The following LRP1B variants were observed in gnomAD, a reference collection of about 807,000 sequenced individuals.
The protein encoded by LRP1B is low-density lipoprotein receptor-related protein 1B.
A neutral mutation model predicts 556.6 loss-of-function variants in LRP1B; 217 were observed. The observed-to-expected ratio is 0.39, with a 90% confidence interval of 0.35 to 0.44. The LOEUF (loss-of-function observed/expected upper bound fraction) is 0.44, where lower values mean the gene tolerates loss of function less well. Ranked by LOEUF, LRP1B falls within the 20% of genes least tolerant of loss-of-function variation. The pLI, the probability that LRP1B is intolerant of heterozygous loss-of-function variation, is 1.00. For synonymous variants in LRP1B, 2,047 were observed against 1,865.8 expected (o/e 1.10, Z -2.50); for missense variants, 5,053 against 5,620.8 (o/e 0.90, Z 3.23).
chr2:141,280,362 T>C (rs899529763), intron 3 of LRP1B, among the ~76,000 whole-genome samples: 1 of 152,066 alleles, frequency 6.6e-6, no homozygotes, highest in Non-Finnish European at 1.5e-5. Flanking sequence ...TAAATGTGTC[T>C]TTTGATGTCC....
chr2:141,763,712 A>G (rs907555340), intron 2 of LRP1B, among the ~76,000 whole-genome samples: 1 of 152,208 alleles, frequency 6.6e-6, no homozygotes, highest in South Asian at 2.1e-4. Flanking sequence ...TTAAAGAAAT[A>G]GTCAGATGCA....
At chr2:140,364,579 C>T (rs2105150815) in intron 72 of LRP1B, 82 bp downstream of exon 72, 1 of 1,509,412 alleles carries the variant, frequency 6.6e-7, no homozygotes, top group Non-Finnish European at 9.0e-7. Context: ...ATTGGTAGTT[C>T]ACCTCCCCAC....
intron 37 of LRP1B, among the ~76,000 whole-genome samples, chr2:140,707,694 G>A (rs941910922): frequency 2.0e-5 from 3 of 151,966 alleles, no homozygotes; most frequent in Admixed American, 1.3e-4. Context: ...GAAATGTAGA[G>A]CGTTCTCTTT....
intron 3 of LRP1B, among the ~76,000 whole-genome samples, chr2:141,397,793 A>G (rs1403717259): frequency 6.6e-6 from 1 of 150,654 alleles, no homozygotes; most frequent in East Asian, 1.9e-4. Context: ...GTATATATAC[A>G]TTTTTATATA....
At chr2:141,033,306 C>A (rs1047608243) in intron 11 of LRP1B, among the ~76,000 whole-genome samples, 4 of 151,946 alleles carry the variant, frequency 2.6e-5, no homozygotes, top group Non-Finnish European at 5.9e-5. Flanking sequence ...CATTCTCAGC[C>A]TTCCAGGACG....
At chr2:141,127,535 T>C (rs559606060) in intron 7 of LRP1B, among the ~76,000 whole-genome samples, 2 of 152,264 alleles carry the variant, frequency 1.3e-5, no homozygotes, top group Middle Eastern at 3.4e-3. Flanking sequence ...GTGGCACATA[T>C]ACACCATGGA....
At chr2:141,432,870 A>G (rs1680612661) in intron 3 of LRP1B, among the ~76,000 whole-genome samples, 1 of 151,512 alleles carries the variant, frequency 6.6e-6, no homozygotes, top group South Asian at 2.1e-4. Context: ...TGCTCCATTG[A>G]TCTTCTCTCT....
intron 2 of LRP1B, among the ~76,000 whole-genome samples, chr2:141,645,812 A>G (rs1689541945): frequency 6.6e-6 from 1 of 152,056 alleles, no homozygotes; most frequent in African/African-American, 2.4e-5. Flanking sequence ...TAAATACAAA[A>G]CATGTATTTT....
At chr2:140,943,523 G>A (rs774630798) in intron 20 of LRP1B, among the ~76,000 whole-genome samples, 2 of 151,874 alleles carry the variant, frequency 1.3e-5, no homozygotes, top group African/African-American at 2.4e-5. Flanking sequence ...AAGCTCAGTC[G>A]CAAGTCTCAA....
Position 140,694,307 on chromosome 2 carries a change from T to A in LRP1B, c.6799+5943A>T, listed in dbSNP as rs1347057017. ...TAATTAGTGGGAATACATAGATATA[T>A]TGTTACTGACTTTATATTCCTAAAA... On this transcript the variant is annotated intron_variant, in intron 41 of 90. Transcript: ENST00000389484. Among the ~76,000 whole-genome samples, 14 of 152,190 alleles carry A rather than the reference T, an allele frequency of 9.2e-5. 1 individual carries two copies. Among genetic ancestry groups the A allele is most frequent in the Admixed American group, 5.2e-4 (8 of 15,274 alleles).
intron 7 of LRP1B, among the ~76,000 whole-genome samples, chr2:141,181,461 T>G (rs1680988220): frequency 6.6e-6 from 1 of 151,772 alleles, no homozygotes; most frequent in Non-Finnish European, 1.5e-5. Flanking sequence ...GACTAGAAGA[T>G]GGGAAAGACA....
At chr2:142,045,666 T>C (rs1425657864) in intron 1 of LRP1B, among the ~76,000 whole-genome samples, 2 of 151,930 alleles carry the variant, frequency 1.3e-5, no homozygotes, top group African/African-American at 4.8e-5. Flanking sequence ...TAATCGGTCA[T>C]GCGTAATACA....
intron 1 of LRP1B, among the ~76,000 whole-genome samples, chr2:141,982,846 A>G (rs1156767814): frequency 2.0e-5 from 3 of 152,198 alleles, no homozygotes; most frequent in African/African-American, 7.2e-5. Context: ...TATATTTAGA[A>G]CAATGTAGTA....
intron 3 of LRP1B, among the ~76,000 whole-genome samples, chr2:141,347,534 T>C (rs936250318): frequency 6.6e-6 from 1 of 151,962 alleles, no homozygotes; most frequent in African/African-American, 2.4e-5. Context: ...AATATTGAGC[T>C]TTACAACAAA....
intron 89 of LRP1B, among the ~76,000 whole-genome samples, chr2:140,235,781 C>A (rs935238398): frequency 6.6e-6 from 1 of 150,876 alleles, no homozygotes; most frequent in Non-Finnish European, 1.5e-5. Context: ...TGGATTAATT[C>A]TATCACTAGA....
At chr2:141,484,249 GT>G (rs1683031865) in intron 2 of LRP1B, among the ~76,000 whole-genome samples, 1 of 146,796 alleles carries the variant, frequency 6.8e-6, no homozygotes, top group Non-Finnish European at 1.5e-5. Context: ...TTTTTGTCAG[GT>G]TTGTCAAAGA....
At chr2:141,814,247 G>A (rs946298269) in intron 1 of LRP1B, among the ~76,000 whole-genome samples, 6 of 152,288 alleles carry the variant, frequency 3.9e-5, no homozygotes, top group African/African-American at 1.2e-4. Context: ...GGCTCACAGA[G>A]TGGGTGTTTC....
intron 68 of LRP1B, among the ~76,000 whole-genome samples, chr2:140,376,548 T>TA (rs775424038): frequency 6.6e-6 from 1 of 152,108 alleles, no homozygotes. Context: ...TAAATGAGTG[T>TA]AAAAAATGTA....
At chr2:141,863,594 A>G (rs1171934421) in intron 1 of LRP1B, among the ~76,000 whole-genome samples, 8 of 152,176 alleles carry the variant, frequency 5.3e-5, no homozygotes, top group Admixed American at 2.0e-4. Flanking sequence ...TTGTGACAGG[A>G]GATCAACAAA....
Sources: allele counts gnomAD v4.1 joint callset (sites outside exome capture counted in the v4.1 genomes callset), GRCh38; gene constraint gnomAD v4.1.1; transcripts MANE v1.5; gene names NCBI Gene and HGNC (gene_info 2026-07-23, HGNC 2026-07-21).